ADSL: variants seen among roughly 807,000 people sequenced by gnomAD.
ADSL encodes adenylosuccinase.
A neutral mutation model predicts 62.1 loss-of-function variants in ADSL; 44 were observed. That is an observed-to-expected ratio of 0.71 (90% CI 0.56 to 0.91). The LOEUF is 0.91. Among genes scored for constraint, ADSL ranks in the 40% least tolerant of loss-of-function variants. The pLI is 0.00. For synonymous variants in ADSL, 198 were observed against 220.5 expected (o/e 0.90, Z 0.90); for missense variants, 531 against 627.4 (o/e 0.85, Z 1.64).
chr22:40,376,386 T>G (rs2046602936), intron 2 of ADSL: 1 of 151,862 alleles, frequency 6.6e-6, no homozygotes, highest in African/African-American at 2.4e-5. Context: ...ACTCCTGGGC[T>G]CAAGAGGTCC....
intron 9 of ADSL, among the ~76,000 whole-genome samples, chr22:40,362,525 G>A (rs560745626): frequency 6.6e-6 from 1 of 152,310 alleles, no homozygotes; most frequent in Admixed American, 6.5e-5. Flanking sequence ...AGGCCACATT[G>A]GTGCAGTGGC....
chr22:40,360,748 G>A (rs1305772329), intron 7 of ADSL, among the ~76,000 whole-genome samples: 5 of 148,746 alleles, frequency 3.4e-5, no homozygotes, highest in Admixed American at 2.0e-4. Flanking sequence ...TCGAGATGGA[G>A]TTTCGCTCTT....
intron 2 of ADSL, among the ~76,000 whole-genome samples, chr22:40,380,107 T>C (rs1461459666): frequency 1.3e-5 from 2 of 152,170 alleles, no homozygotes; most frequent in African/African-American, 4.8e-5. Flanking sequence ...TAAATGTACC[T>C]ACTACAGAAC....
rs2045054488 is a variant in ADSL, at chr22:40,368,093, A to T, written c.*1571A>T. On this transcript the variant is annotated 3_prime_UTR_variant, in exon 13 of 13. Coordinates refer to ENST00000623063, the MANE Select transcript of ADSL (RefSeq NM_000026.4). ...TGGTGGAGGAATGTTAGGGCTCTTT[A>T]TCCTATACAGAAGAAAACTCCTCGG... The T allele has an allele frequency of 6.6e-6, 1 of 152,228 alleles. No individual in the cohort carries two copies. The highest frequency in any genetic ancestry group is 1.5e-5 in the Non-Finnish European group (1 of 68,042). The allele number at this position is 152,228 out of a possible 1,614,324, so 9.4% of individuals were successfully genotyped here.
At position 40,363,081 on chromosome 22, in the gene ADSL, C is replaced by T. The variant is rs1274084136; in HGVS notation, c.1101+10C>T. ...GGTCGTGTACCCCAAAGTAAGAAGC[C>T]TCAATTCAAAAGTAAAGTACTAGGG... On this transcript the variant is annotated intron_variant, in intron 10 of 12. Coordinates refer to ENST00000623063, the MANE Select transcript of ADSL (RefSeq NM_000026.4). 1 of 1,611,952 alleles carries T rather than the reference C, an allele frequency of 6.2e-7. No individual in the cohort carries two copies. Among genetic ancestry groups the T allele is most frequent in the African/African-American group, 1.3e-5 (1 of 74,924 alleles).
chr22:40,378,637 C>A (rs2146777261), intron 2 of ADSL, among the ~76,000 whole-genome samples: 1 of 150,912 alleles, frequency 6.6e-6, no homozygotes, highest in East Asian at 2.0e-4. Flanking sequence ...GAAGCTGAGG[C>A]AGAAGAGGAA....
At chr22:40,377,962 C>G (rs1178326527) in intron 2 of ADSL, among the ~76,000 whole-genome samples, 1 of 152,070 alleles carries the variant, frequency 6.6e-6, no homozygotes, top group African/African-American at 2.4e-5. Context: ...ACAAAGTACC[C>G]CTAAAAAGAC....
At chr22:40,369,983 A>T (rs1014286129), downstream of ADSL, among the ~76,000 whole-genome samples, 1 of 152,134 alleles carries the variant, frequency 6.6e-6, no homozygotes, top group African/African-American at 2.4e-5. Context: ...GCCTAGGTGG[A>T]TGTGAGGGTT....
downstream of ADSL, among the ~76,000 whole-genome samples, chr22:40,372,144 T>C (rs2045674274): frequency 9.5e-6 from 1 of 105,746 alleles, no homozygotes; most frequent in Admixed American, 1.1e-4. Flanking sequence ...TTTTTTTTTT[T>C]GAGACGGAGT....
At chr22:40,386,025 G>GTT (rs68008146) in intron 2 of ADSL, among the ~76,000 whole-genome samples, 24 of 145,192 alleles carry the variant, frequency 1.7e-4, no homozygotes, top group South Asian at 4.5e-4. Context: ...CTAATTTTTT[G>GTT]TTTTTTTTTT....
rs1038379306 is a variant in ADSL, at chr22:40,367,558, A to G, written c.*1036A>G. 1 of 167,736 alleles carries G rather than the reference A, an allele frequency of 6.0e-6. No individual in the cohort carries two copies. Among genetic ancestry groups the G allele is most frequent in the African/African-American group, 2.4e-5 (1 of 41,460 alleles). 10.4% of individuals were successfully genotyped at this position (167,736 alleles called of 1,614,324 possible). ...AGAGCACATCAGATACTTGGCAACT[A>G]GGCAGTCTTCCAGCTTCTGCCACTG... is the stretch of plus-strand genomic sequence containing the variant. On this transcript the variant is annotated 3_prime_UTR_variant, in exon 13 of 13. Transcript: ENST00000623063.
chr22:40,376,158 G>C (rs2046520670), intron 2 of ADSL: 2 of 139,904 alleles, frequency 1.4e-5, no homozygotes, highest in Non-Finnish European at 3.1e-5. Context: ...CTTGAGGATA[G>C]GGTTAAAGTC....
Position 40,361,477 on chromosome 22 carries a change from T to C in ADSL, c.863-11T>C, listed in dbSNP as rs375532126. On this transcript the variant is annotated splice_polypyrimidine_tract_variant and intron_variant, in intron 8 of 12. Transcript: ENST00000623063. ...CTGCCTTTGCATCTTGTCCTTTTTT[T>C]ACATGGGCAGGCTCAAGTGCGATGC... 3.7e-6 allele frequency: 6 copies of C among 1,614,220 alleles called. No homozygotes were observed. In the East Asian group the frequency reaches 6.7e-5, roughly 18 times the overall value.
intron 1 of ADSL, 37 bp downstream of exon 1, chr22:40,346,748 GA>G: frequency 6.4e-7 from 1 of 1,565,514 alleles, no homozygotes; most frequent in South Asian, 1.2e-5. Flanking sequence ...GGCCGGGAGG[GA>G]CGGGCCCGCC....
chr22:40,381,444 C>T (rs375495692), intron 2 of ADSL, among the ~76,000 whole-genome samples: 157 of 152,234 alleles, frequency 1.0e-3, no homozygotes, highest in Non-Finnish European at 1.9e-3. Context: ...CCACCATGCC[C>T]GGCTACAAGG....
At chr22:40,353,046 A>G (rs755149568) in intron 2 of ADSL, 27 bp from the exon 3 acceptor site, 5 of 1,603,600 alleles carry the variant, frequency 3.1e-6, no homozygotes, top group Non-Finnish European at 4.3e-6. Flanking sequence ...GCTGCTAAAT[A>G]TAAGATCATT....
Position 40,357,244 on chromosome 22 carries a change from G to A in ADSL, c.483-1620G>A, listed in dbSNP as rs1312826680. ...AAACAGACCTTCAGTGGCTTGATTT[G>A]GGCTTTTTTTTTTTTTTTTTTTTTT... is the stretch of plus-strand genomic sequence containing the variant. On this transcript the variant is annotated intron_variant, in intron 4 of 12. Coordinates refer to ENST00000623063, the MANE Select transcript of ADSL (RefSeq NM_000026.4). Among the ~76,000 whole-genome samples, 12 of 145,188 alleles carry A rather than the reference G, an allele frequency of 8.3e-5. No individual in the cohort carries two copies. In the South Asian group the frequency reaches 2.4e-3, roughly 29 times the overall value.
intron 6 of ADSL, 37 bp from the exon 7 acceptor site, chr22:40,360,365 A>G (rs1170047567): frequency 1.3e-6 from 2 of 1,571,310 alleles, no homozygotes; most frequent in East Asian, 2.2e-5. Context: ...TGGCTTTAAA[A>G]TATTTTAACC....
At chr22:40,371,247 G>A (rs955414128), downstream of ADSL, among the ~76,000 whole-genome samples, 2 of 152,226 alleles carry the variant, frequency 1.3e-5, no homozygotes, top group African/African-American at 4.8e-5. Flanking sequence ...GGTTAGGACT[G>A]GAATTTTGAA....
Sources: allele counts gnomAD v4.1 joint callset (sites outside exome capture counted in the v4.1 genomes callset), GRCh38; gene constraint gnomAD v4.1.1; transcripts MANE v1.5; gene names NCBI Gene and HGNC (gene_info 2026-07-23, HGNC 2026-07-21).